The following BIN1 variants were observed in gnomAD, a reference collection of about 807,000 sequenced individuals.
BIN1 encodes the protein bridging integrator 1.
A neutral mutation model predicts 82.0 loss-of-function variants in BIN1; 53 were observed. The observed-to-expected ratio is 0.65, with a 90% confidence interval of 0.52 to 0.81. The LOEUF is 0.81. Ranked by LOEUF, BIN1 falls within the 40% of genes least tolerant of loss-of-function variation. The probability of loss-of-function intolerance (pLI) is 0.00; values close to 1 mark genes in which losing one functional copy is unlikely to be tolerated. For missense variants in BIN1, 642 were observed against 784.4 expected, an observed-to-expected ratio of 0.82 and a Z score of 2.17; for synonymous variants, 302 against 328.0, an observed-to-expected ratio of 0.92 and a Z score of 0.86.
intron 1 of BIN1, among the ~76,000 whole-genome samples, chr2:127,105,530 G>C (rs1370086505): frequency 6.8e-6 from 1 of 146,930 alleles, no homozygotes; most frequent in Non-Finnish European, 1.5e-5. Context: ...TTGGGGAGCT[G>C]GGTCTGGGCA....
chr2:127,104,734 T>C (rs1026079138), intron 1 of BIN1, among the ~76,000 whole-genome samples: 3 of 152,134 alleles, frequency 2.0e-5, no homozygotes, highest in Admixed American at 1.3e-4. Flanking sequence ...CCTCCAATGA[T>C]GGCACAGACT....
intron 1 of BIN1, among the ~76,000 whole-genome samples, chr2:127,087,654 C>T (rs377280926): frequency 1.6e-3 from 251 of 152,318 alleles, no homozygotes; most frequent in African/African-American, 5.8e-3. Context: ...GAGCAGGAAC[C>T]GCTCATCCAA....
In BIN1 at chr2:127,062,210, C is replaced by G. The variant is rs778119265; in HGVS notation, c.775-13G>C. Reference sequence around the variant, plus strand: ...GGTTCTGGTTGAGCTGCAGGAGAGACAGTGAGGAGGTGGGGGGCCTCCAAG... The same window carrying G: ...GGTTCTGGTTGAGCTGCAGGAGAGAGAGTGAGGAGGTGGGGGGCCTCCAAG... On this transcript the variant is annotated splice_polypyrimidine_tract_variant and intron_variant, in intron 9 of 18. Transcript: ENST00000316724. 26 of 1,595,766 alleles carry G rather than the reference C, an allele frequency of 1.6e-5. 1 individual carries two copies. Among genetic ancestry groups the G allele is most frequent in the Admixed American group, 1.2e-4 (7 of 57,756 alleles).
At chr2:127,050,953 C>G (rs748326046) in intron 16 of BIN1, 41 bp from the exon 17 acceptor site, 2 of 1,582,610 alleles carry the variant, frequency 1.3e-6, no homozygotes, top group African/African-American at 2.7e-5. Flanking sequence ...GGGAGGTGGT[C>G]CAGGGACAGC....
At chr2:127,087,892 T>C (rs1216125212) in intron 1 of BIN1, among the ~76,000 whole-genome samples, 1 of 152,142 alleles carries the variant, frequency 6.6e-6, no homozygotes, top group African/African-American at 2.4e-5. Context: ...GCTGAGTCTA[T>C]TCTTAGCCAT....
chr2:127,080,841 A>C (rs1687197528), intron 1 of BIN1, among the ~76,000 whole-genome samples: 1 of 152,318 alleles, frequency 6.6e-6, no homozygotes, highest in South Asian at 2.1e-4. Context: ...TCCTGCAATC[A>C]TCCACAGGGT....
intron 2 of BIN1, among the ~76,000 whole-genome samples, chr2:127,072,004 C>A (rs1172811055): frequency 6.6e-6 from 1 of 152,102 alleles, no homozygotes; most frequent in Non-Finnish European, 1.5e-5. Context: ...TAGAAGGGCA[C>A]CCTCCTGGCC....
chr2:127,062,068 C>G, intron 10 of BIN1, 47 bp downstream of exon 10: 1 of 1,557,136 alleles, frequency 6.4e-7, no homozygotes. Flanking sequence ...GAGCCCTGCC[C>G]CTGCCGTGCA....
At position 127,087,765 on chromosome 2, in the gene BIN1, G is replaced by A. The variant is rs116626444; in HGVS notation, c.85-11059C>T. On this transcript the variant is annotated intron_variant, in intron 1 of 18. Transcript: ENST00000316724. Reference sequence around the variant, plus strand: ...AAGCAATGAGCTAGAATCCGCACACGGCCCACCGCTACCAAGCCCTTGGAT... The same window carrying A: ...AAGCAATGAGCTAGAATCCGCACACAGCCCACCGCTACCAAGCCCTTGGAT... Among the ~76,000 whole-genome samples the A allele has an allele frequency of 3.4e-3, 515 of 152,166 alleles. 1 individual carries two copies. Among genetic ancestry groups the A allele is most frequent in the African/African-American group, 0.012 (495 of 41,506 alleles).
chr2:127,063,091 C>A (rs1684707788), intron 9 of BIN1, among the ~76,000 whole-genome samples: 1 of 152,348 alleles, frequency 6.6e-6, no homozygotes, highest in African/African-American at 2.4e-5. Context: ...ATGAAAATAA[C>A]ACAAGAGAGA....
In BIN1 at chr2:127,093,523, G is replaced by A. The variant is rs776644770; in HGVS notation, c.84+13337C>T. Among the ~76,000 whole-genome samples, 1 of 152,122 alleles carries A rather than the reference G, an allele frequency of 6.6e-6. No individual in the cohort carries two copies. The highest frequency in any genetic ancestry group is 1.5e-5 in the Non-Finnish European group (1 of 68,016). ...AACACAGAGAGGCCGGAAAGAAGCC[G>A]AGCCGACAAGCCTTGCTGGGTTCCC... On this transcript the variant is annotated intron_variant, in intron 1 of 18. Transcript: ENST00000316724. This position sits in a 1 kb window ranked among gnomAD's most constrained non-coding sequence, Gnocchi z 5.7.
intron 1 of BIN1, among the ~76,000 whole-genome samples, chr2:127,079,281 C>A (rs1328546949): frequency 6.6e-6 from 1 of 152,222 alleles, no homozygotes; most frequent in East Asian, 1.9e-4. Context: ...CTCTCTGAGC[C>A]TCAATCTACA....
In BIN1 at chr2:127,057,660, G is replaced by C. The variant is rs904581775; in HGVS notation, c.1003-59C>G. The C allele has an allele frequency of 5.5e-6, 8 of 1,455,538 alleles. No homozygotes were observed. In the African/African-American group the frequency reaches 9.9e-5, roughly 18 times the overall value. The allele number at this position is 1,455,538 out of a possible 1,614,324, so 90.2% of individuals were successfully genotyped here. ...GAAGGCACAGCAGAGCACGGGGTTTGGGGGAGACAGACAGAGACAAAGCCA... is the reference window on the plus strand; with the variant it reads ...GAAGGCACAGCAGAGCACGGGGTTTCGGGGAGACAGACAGAGACAAAGCCA... On this transcript the variant is annotated intron_variant, in intron 11 of 18. Coordinates refer to ENST00000316724, the MANE Select transcript of BIN1 (RefSeq NM_139343.3). The surrounding 1 kb of genome is among the most constrained non-coding windows in gnomAD (Gnocchi z 5.0).
chr2:127,089,017 G>A (rs1678564443), intron 1 of BIN1, among the ~76,000 whole-genome samples: 1 of 152,116 alleles, frequency 6.6e-6, no homozygotes, highest in South Asian at 2.1e-4. Flanking sequence ...GAAACACCAG[G>A]TGCCAGGCTT....
At chr2:127,099,841 T>C (rs1211645126) in intron 1 of BIN1, among the ~76,000 whole-genome samples, 1 of 147,288 alleles carries the variant, frequency 6.8e-6, no homozygotes, top group African/African-American at 2.6e-5. Flanking sequence ...TCTCGCTCTG[T>C]CGCCCAGGCC....
intron 1 of BIN1, 138 bp from the exon 2 acceptor site, chr2:127,076,844 C>T (rs1686679364): frequency 3.2e-6 from 3 of 923,960 alleles, no homozygotes; most frequent in Non-Finnish European, 5.2e-6. Flanking sequence ...GGTGCCCACC[C>T]AGGGCTGCAA....
At chr2:127,073,916 C>G (rs933906894) in intron 2 of BIN1, among the ~76,000 whole-genome samples, 1 of 152,172 alleles carries the variant, frequency 6.6e-6, no homozygotes, top group Non-Finnish European at 1.5e-5. Context: ...GCTCTCAGAG[C>G]AGGGGCAGAA....
In BIN1 at chr2:127,107,013, G is replaced by A; in HGVS notation, c.-70C>T. 6.9e-7 allele frequency: 1 copy of A among 1,444,024 alleles called. No homozygotes were observed. The highest frequency in any genetic ancestry group is 9.1e-7 in the Non-Finnish European group (1 of 1,097,710). 89.5% of individuals were successfully genotyped at this position (1,444,024 alleles called of 1,614,324 possible). ...GGAGATCTTGCGCGCCGCGCTCCCA[G>A]CCCCCAGCCCCGGCCGCGCGTCCAG... is the stretch of plus-strand genomic sequence containing the variant. On this transcript the variant is annotated 5_prime_UTR_variant, in exon 1 of 19. Transcript: ENST00000316724. This position sits in a 1 kb window ranked among gnomAD's most constrained non-coding sequence, Gnocchi z 5.9.
intron 9 of BIN1, 79 bp downstream of exon 9, chr2:127,063,492 G>C (rs1684761218): frequency 1.4e-6 from 2 of 1,449,894 alleles, no homozygotes; most frequent in Non-Finnish European, 9.5e-7. Flanking sequence ...GAGGAGTTCA[G>C]GCTGCCCCTC....
Sources: gnomAD v4.1 joint callset for allele counts (sites outside exome capture counted in the v4.1 genomes callset) on GRCh38, gnomAD v4.1.1 for gene constraint, Gnocchi (gnomAD v3.1) non-coding constraint, MANE v1.5 for transcripts, NCBI Gene and HGNC (gene_info 2026-07-23, HGNC 2026-07-21) for gene names.